C21orf58: variants seen among roughly 807,000 people sequenced by gnomAD.
The protein encoded by C21orf58 is uncharacterized protein C21orf58.
Under a neutral mutation model 35.8 loss-of-function variants are expected in C21orf58, and 34 were observed. The ratio of observed to expected loss-of-function variants is 0.95; its 90% confidence interval spans 0.72 to 1.26. The LOEUF (loss-of-function observed/expected upper bound fraction) is 1.26, where lower values mean the gene tolerates loss of function less well. C21orf58 is among the 50% of genes most tolerant of loss of function. The pLI is 0.00. For synonymous variants in C21orf58, 191 were observed against 175.8 expected, an observed-to-expected ratio of 1.09 and a Z score of -0.68; for missense variants, 440 against 414.3, an observed-to-expected ratio of 1.06 and a Z score of -0.54.
rs765703344 is a variant in C21orf58, at chr21:46,317,207, C to G, written c.370+1G>C. 11 of 1,610,340 alleles carry G rather than the reference C, an allele frequency of 6.8e-6. No homozygotes were observed. The South Asian group carries it at 1.2e-4, about 18-fold the overall frequency. On this transcript the variant is annotated splice_donor_variant, in intron 3 of 7. Coordinates refer to ENST00000291691, the MANE Select transcript of C21orf58 (RefSeq NM_058180.5). LOFTEE classifies it high-confidence loss of function. ...GTTCCAAGCAGCCCAGGGGCTCTCA[C>G]CTGGCTCGAGGTGGAGGCCCTCAGG...
chr21:46,301,679 G>A lies in C21orf58; in HGVS notation c.*320C>T. On this transcript the variant is annotated 3_prime_UTR_variant, in exon 8 of 8. Transcript: ENST00000291691. Reference sequence around the variant, plus strand: ...CAACTTTACCTCCGTGATGGAAGAGGGGGATCTGAGGCTCCCAGGTGGGCC... The same window carrying A: ...CAACTTTACCTCCGTGATGGAAGAGAGGGATCTGAGGCTCCCAGGTGGGCC... 8.8e-7 allele frequency: 1 copy of A among 1,140,350 alleles called. No homozygotes were observed. Among genetic ancestry groups the A allele is most frequent in the Non-Finnish European group, 1.1e-6 (1 of 929,428 alleles). 70.6% of individuals were successfully genotyped at this position (1,140,350 alleles called of 1,614,324 possible).
In C21orf58 at chr21:46,302,140, C is replaced by A; in HGVS notation, c.828G>T (p.Val276=). 1 of 1,501,682 alleles carries A rather than the reference C, an allele frequency of 6.7e-7. No individual in the cohort carries two copies. Among genetic ancestry groups the A allele is most frequent in the South Asian group, 1.3e-5 (1 of 79,000 alleles). The allele number at this position is 1,501,682 out of a possible 1,614,324, so 93.0% of individuals were successfully genotyped here. ...LPPALQDPPH[V]PPRVPRAARP... ...TGGCAGCTCGTGGGACCCTCGGGGG[C>A]ACATGTGGCGGGTCCTGCCACAGAC... The change falls in exon 8 of 8, where the codon GTG becomes GTT. Residue 276 remains valine, a synonymous_variant. Transcript: ENST00000291691.
chr21:46,315,997 C>T (rs2082963050), intron 3 of C21orf58, among the ~76,000 whole-genome samples: 1 of 152,048 alleles, frequency 6.6e-6, no homozygotes, highest in Non-Finnish European at 1.5e-5. Flanking sequence ...CTCAAGTCTG[C>T]CCCCTAGTCC....
intron 6 of C21orf58, among the ~76,000 whole-genome samples, chr21:46,303,484 A>G (rs918263835): frequency 6.6e-6 from 1 of 151,642 alleles, no homozygotes; most frequent in East Asian, 1.9e-4. Context: ...CTAGAAACCA[A>G]TAAGGGAGGC....
chr21:46,309,020 A>G (rs2082550305), intron 6 of C21orf58, among the ~76,000 whole-genome samples: 3 of 152,154 alleles, frequency 2.0e-5, no homozygotes. Context: ...TCTTTTCTCT[A>G]TAAATTACCC....
In C21orf58 at chr21:46,314,731, C is replaced by A; in HGVS notation, c.594G>T (p.Arg198Ser). 1.4e-6 allele frequency: 2 copies of A among 1,479,304 alleles called. No individual in the cohort carries two copies. 91.6% of individuals were successfully genotyped at this position (1,479,304 alleles called of 1,614,324 possible). A position where few individuals can be genotyped will look rare whatever the true frequency, so the allele number is the denominator to read the frequency against. ...GCCCTCTTACCGTAGGCAGGATGAT[C>A]CTTGGCGGGTCTGGGGCCAGCGGGG... ...SPSPLAPDPP[R>S]IILPTVPQPP... Residue 198 changes from arginine to serine, a missense_variant, in exon 5 of 8, where the codon AGG (arginine) becomes AGT (serine). By Grantham distance (110) the Arg-to-Ser change is moderately radical. Coordinates refer to ENST00000291691, the MANE Select transcript of C21orf58 (RefSeq NM_058180.5).
At position 46,314,882 on chromosome 21, in the gene C21orf58, T is replaced by C; in HGVS notation, c.445-2A>G. 1 of 1,550,402 alleles carries C rather than the reference T, an allele frequency of 6.4e-7. No individual in the cohort carries two copies. Among genetic ancestry groups the C allele is most frequent in the Non-Finnish European group, 8.7e-7 (1 of 1,146,930 alleles). ...GAGCTCGTCCAGGAGGTGTTGTTCC[T>C]GCAAGGCCGATGCAGAGCTGCTGCA... is the stretch of plus-strand genomic sequence containing the variant. On this transcript the variant is annotated splice_acceptor_variant, in intron 4 of 7. Coordinates refer to ENST00000291691, the MANE Select transcript of C21orf58 (RefSeq NM_058180.5). LOFTEE classifies it high-confidence loss of function.
intron 7 of C21orf58, 97 bp downstream of exon 7, chr21:46,302,388 T>TGTA: frequency 9.0e-7 from 1 of 1,115,304 alleles, no homozygotes; most frequent in Admixed American, 2.3e-5. Flanking sequence ...GAGCCAGGAA[T>TGTA]GCCCTTTCAG....
At chr21:46,303,730 T>TAGA (rs2082254790) in intron 6 of C21orf58, among the ~76,000 whole-genome samples, 1 of 28,732 alleles carries the variant, frequency 3.5e-5, no homozygotes, top group African/African-American at 1.7e-4. Flanking sequence ...TATATATATA[T>TAGA]ATATATATAT....
At position 46,303,167 on chromosome 21, in the gene C21orf58, G is replaced by GA. The variant is rs1175733506; in HGVS notation, c.722-592dup. ...CAACCAGGGCGAAACTCCGTCTCAAGAAAAAAAAAAAATTAAAACATCTAA... is the reference window on the plus strand; with the variant it reads ...CAACCAGGGCGAAACTCCGTCTCAAGAAAAAAAAAAAAATTAAAACATCTAA... On this transcript the variant is annotated intron_variant, in intron 6 of 7. Coordinates refer to ENST00000291691, the MANE Select transcript of C21orf58 (RefSeq NM_058180.5). Among the ~76,000 whole-genome samples, 301 of 143,448 alleles carry GA rather than the reference G, an allele frequency of 2.1e-3. 1 individual carries two copies. Among genetic ancestry groups the GA allele is most frequent in the African/African-American group, 5.4e-3 (214 of 39,396 alleles). The allele number at this position is 143,448 out of a possible 152,430, so 94.1% of individuals were successfully genotyped here. A position where few individuals can be genotyped will look rare whatever the true frequency, so the allele number is the denominator to read the frequency against.
intron 6 of C21orf58, among the ~76,000 whole-genome samples, chr21:46,310,141 G>A (rs376645587): frequency 6.6e-6 from 1 of 152,144 alleles, no homozygotes; most frequent in Non-Finnish European, 1.5e-5. Flanking sequence ...GATATGCTCA[G>A]TCTTGATTGT....
intron 4 of C21orf58, 63 bp from the exon 5 acceptor site, chr21:46,314,943 C>A: frequency 6.5e-7 from 1 of 1,550,292 alleles, no homozygotes; most frequent in Non-Finnish European, 8.7e-7. Context: ...ACAGAGGCAC[C>A]CCCAGCATCA....
At chr21:46,320,628 A>C (rs974994526) in intron 1 of C21orf58, 2 of 151,818 alleles carry the variant, frequency 1.3e-5, no homozygotes, top group East Asian at 3.9e-4. Context: ...TCTTACTATC[A>C]GTCCTTACCA....
chr21:46,322,163 T>C (rs532124717), intron 1 of C21orf58, among the ~76,000 whole-genome samples: 87 of 152,040 alleles, frequency 5.7e-4, no homozygotes, highest in African/African-American at 1.9e-3. Flanking sequence ...GTGGTGTGCC[T>C]GTAATTCCAG....
chr21:46,312,030 TCCACCTACCCAACCAACCAACCAACCAA>T (rs2082747766), intron 5 of C21orf58, among the ~76,000 whole-genome samples: 2 of 89,206 alleles, frequency 2.2e-5, no homozygotes, highest in Non-Finnish European at 4.3e-5. Context: ...CATCCACCCA[TCCACCTACCCAACCAACCAACCAACCAA>T]CCACCCACCC....
In C21orf58 at chr21:46,318,033, C is replaced by T. The variant is rs1601703643; in HGVS notation, c.288G>A (p.Leu96=). The change falls in exon 2 of 8, where the codon CTG becomes CTA. Residue 96 remains leucine, a synonymous_variant. Transcript: ENST00000291691. ...DSSAAEQVTR[L]TLKLLGQKLE... Reference sequence around the variant, plus strand: ...TCACCTGTCCCAAGAGCTTCAGCGTCAGTCGGGTCACTTGCTCTGCTGCTG... The same window carrying T: ...TCACCTGTCCCAAGAGCTTCAGCGTTAGTCGGGTCACTTGCTCTGCTGCTG... 2 of 1,613,460 alleles carry T rather than the reference C, an allele frequency of 1.2e-6. No individual in the cohort carries two copies. The highest frequency in any genetic ancestry group is 1.7e-6 in the Non-Finnish European group (2 of 1,180,002).
chr21:46,315,491 G>T lies in C21orf58; in HGVS notation c.427C>A (p.Leu143Ile). Residue 143 changes from leucine (L) to isoleucine (I), a missense_variant, in exon 4 of 8, where the codon CTT (leucine) becomes ATT (isoleucine). Coordinates refer to ENST00000291691, the MANE Select transcript of C21orf58 (RefSeq NM_058180.5). Reference sequence around the variant, plus strand: ...GGGCCTACCCGGAGTCTCTGCAGAAGGTCCCTCCTTCTCTTCAGAGCAGTC... The same window carrying T: ...GGGCCTACCCGGAGTCTCTGCAGAATGTCCCTCCTTCTCTTCAGAGCAGTC... ...LQTALKRRRD[L>I]LQRLREQHLL... is the part of the protein sequence containing the mutation. 6.2e-7 allele frequency: 1 copy of T among 1,608,944 alleles called. No homozygotes were observed. The highest frequency in any genetic ancestry group is 8.5e-7 in the Non-Finnish European group (1 of 1,175,708).
At chr21:46,301,021 C>T (rs1358921884), downstream of C21orf58, 17 of 988,530 alleles carry the variant, frequency 1.7e-5, no homozygotes, top group Non-Finnish European at 2.0e-5. Flanking sequence ...CTTTGCTTTA[C>T]AGGAACAAGA....
At chr21:46,321,044 T>C (rs889792260) in intron 1 of C21orf58, among the ~76,000 whole-genome samples, 3 of 152,072 alleles carry the variant, frequency 2.0e-5, no homozygotes, top group Non-Finnish European at 2.9e-5. Context: ...TTTTTTTAAA[T>C]AGGGTTTTTA....
Sources: gnomAD v4.1 joint callset for allele counts (sites outside exome capture counted in the v4.1 genomes callset) on GRCh38, gnomAD v4.1.1 for gene constraint, MANE v1.5 for transcripts, NCBI Gene and HGNC (gene_info 2026-07-23, HGNC 2026-07-21) for gene names.